NREP: variants seen among roughly 807,000 people sequenced by gnomAD.
The protein encoded by NREP is neuronal regeneration-related protein.
NREP carries 5 observed loss-of-function variants against 8.6 expected under a neutral mutation model. That is an observed-to-expected ratio of 0.58 (90% confidence interval 0.30 to 1.22). The LOEUF is 1.22. Ranked by LOEUF, NREP falls within the 50% of genes most tolerant of loss-of-function variation. NREP has a pLI of 0.07. For synonymous variants in NREP, 27 were observed against 28.0 expected, an observed-to-expected ratio of 0.96 and a Z score of 0.11; for missense variants, 86 against 82.5, an observed-to-expected ratio of 1.04 and a Z score of -0.17.
At position 111,886,160 on chromosome 5, in the gene NREP, A is replaced by T. The variant is rs1489214952; in HGVS notation, c.135+89114T>A. On this transcript the variant is annotated intron_variant, in intron 2 of 3. Coordinates refer to the NREP transcript ENST00000395634. ...AACAACCCCATCAAAAAGTGGGCAA[A>T]GGACATGAACAGACACTTCTCAAAA... is the stretch of plus-strand genomic sequence containing the variant. Among the ~76,000 whole-genome samples the T allele has an allele frequency of 5.3e-5, 8 of 152,352 alleles. No homozygotes were observed. In the South Asian group the frequency reaches 8.3e-4, roughly 16 times the overall value.
At chr5:111,745,051 G>C (rs1288608715) in intron 2 of NREP, among the ~76,000 whole-genome samples, 2 of 152,056 alleles carry the variant, frequency 1.3e-5, no homozygotes, top group Non-Finnish European at 2.9e-5. Flanking sequence ...GTTTTCTGTA[G>C]AAATGCATAG....
intron 2 of NREP, among the ~76,000 whole-genome samples, chr5:111,864,648 C>T (rs1383585623): frequency 1.3e-5 from 2 of 152,100 alleles, no homozygotes; most frequent in African/African-American, 4.8e-5. Context: ...AGAAACACTG[C>T]TCTGAAAGGA....
At chr5:111,744,156 T>A (rs1262197306) in intron 2 of NREP, among the ~76,000 whole-genome samples, 1 of 152,088 alleles carries the variant, frequency 6.6e-6, no homozygotes, top group Admixed American at 6.6e-5. Context: ...GAAGTGCTCA[T>A]TCCAAAAGAA....
At chr5:111,881,576 C>T (rs1489208619) in intron 2 of NREP, among the ~76,000 whole-genome samples, 1 of 152,122 alleles carries the variant, frequency 6.6e-6, no homozygotes, top group Non-Finnish European at 1.5e-5. Flanking sequence ...CTGGGAGGCA[C>T]CCCCCAGTAG....
chr5:111,900,636 T>C (rs1049316272), intron 2 of NREP, among the ~76,000 whole-genome samples: 2 of 152,012 alleles, frequency 1.3e-5, no homozygotes, highest in African/African-American at 2.4e-5. Context: ...TGAACAACTA[T>C]ACACTAACAA....
At chr5:111,838,544 T>A (rs1346483352) in intron 2 of NREP, among the ~76,000 whole-genome samples, 2 of 152,098 alleles carry the variant, frequency 1.3e-5, no homozygotes, top group African/African-American at 2.4e-5. Flanking sequence ...ATAGAAAGAA[T>A]TTAAGATCAA....
rs140458263 is a variant in NREP at position 111,736,526 on chromosome 5, T to C, written c.4-1019A>G. 1.4e-3 allele frequency among the ~76,000 whole-genome samples: 211 copies of C among 152,296 alleles called. 5 individuals are homozygous for C. The East Asian group carries it at 0.035, about 25-fold the overall frequency. On this transcript the variant is annotated intron_variant, in intron 2 of 3. Coordinates refer to ENST00000257435, the MANE Select transcript of NREP (RefSeq NM_004772.4). Reference sequence around the variant, plus strand: ...TTAACAAACAGACTTAGATGTGTGTTTACATTTTGGTTTTGGAAGCCGTAA... The same window carrying C: ...TTAACAAACAGACTTAGATGTGTGTCTACATTTTGGTTTTGGAAGCCGTAA...
At chr5:111,754,233 C>T (rs1348971942) in intron 2 of NREP, among the ~76,000 whole-genome samples, 1 of 152,216 alleles carries the variant, frequency 6.6e-6, no homozygotes, top group Non-Finnish European at 1.5e-5. Flanking sequence ...ATGGTTCCAA[C>T]TTCCACTCTC....
intron 2 of NREP, among the ~76,000 whole-genome samples, chr5:111,828,705 G>A (rs1430671461): frequency 6.6e-6 from 1 of 151,932 alleles, no homozygotes; most frequent in Non-Finnish European, 1.5e-5. Context: ...CTAGATACTT[G>A]GGTCCCTATC....
chr5:111,791,725 C>T (rs561680776), intron 2 of NREP, among the ~76,000 whole-genome samples: 3 of 152,274 alleles, frequency 2.0e-5, no homozygotes, highest in South Asian at 2.1e-4. Flanking sequence ...TTCCTGCCTC[C>T]GCCTCCCAAA....
intron 2 of NREP, among the ~76,000 whole-genome samples, chr5:111,805,180 C>T (rs1752113361): frequency 6.6e-6 from 1 of 152,186 alleles, no homozygotes; most frequent in African/African-American, 2.4e-5. Context: ...GTTGGTAAAA[C>T]TTCAGAAGTA....
chr5:111,938,827 G>A (rs924886805), intron 2 of NREP, among the ~76,000 whole-genome samples: 6 of 152,024 alleles, frequency 3.9e-5, no homozygotes, highest in Middle Eastern at 3.2e-3. Context: ...GATCACCCAT[G>A]AACTCTAACA....
intron 2 of NREP, among the ~76,000 whole-genome samples, chr5:111,774,918 G>C (rs1751321682): frequency 1.3e-5 from 2 of 152,156 alleles, no homozygotes; most frequent in East Asian, 3.8e-4. Context: ...ATTGGTTATG[G>C]TTAAGAAGAG....
chr5:111,964,855 C>CAAAAAAAAAAAAAAAATAAAAAAA (rs1756589211), intron 2 of NREP, among the ~76,000 whole-genome samples: 1 of 44,882 alleles, frequency 2.2e-5, no homozygotes, highest in Non-Finnish European at 4.6e-5. Context: ...CTTTCAGCAG[C>CAAAAAAAAAAAAAAAATAAAAAAA]AAAAAAAAAA....
At chr5:111,935,287 G>A (rs746333917) in intron 2 of NREP, among the ~76,000 whole-genome samples, 1 of 152,046 alleles carries the variant, frequency 6.6e-6, no homozygotes, top group Non-Finnish European at 1.5e-5. Context: ...TAGGCAGATA[G>A]GACCTTACAC....
Position 111,777,588 on chromosome 5 carries a change from G to A in NREP, c.136-42081C>T, listed in dbSNP as rs116726093. Among the ~76,000 whole-genome samples the A allele has an allele frequency of 2.4e-3, 372 of 152,162 alleles. 3 individuals carry two copies. The highest frequency in any genetic ancestry group is 8.7e-3 in the African/African-American group (360 of 41,514). ...AATACGACAATGCTTCAGTGTAGTT[G>A]CACATTAACCATTATGTGTATATTT... On this transcript the variant is annotated intron_variant, in intron 2 of 3. Transcript: ENST00000395634.
chr5:111,763,852 G>A (rs1751021972), intron 2 of NREP, among the ~76,000 whole-genome samples: 1 of 152,208 alleles, frequency 6.6e-6, no homozygotes, highest in Non-Finnish European at 1.5e-5. Context: ...GTTCCCCCTG[G>A]AAGAATTTTT....
At chr5:111,943,558 ACTGCG>A (rs1302804500) in intron 2 of NREP, among the ~76,000 whole-genome samples, 2 of 152,092 alleles carry the variant, frequency 1.3e-5, no homozygotes, top group East Asian at 3.9e-4. Context: ...GTCCCACTGC[ACTGCG>A]AAGCCAGTGC....
At chr5:111,759,320 C>T (rs562215929), upstream of NREP, among the ~76,000 whole-genome samples, 5 of 152,332 alleles carry the variant, frequency 3.3e-5, no homozygotes, top group African/African-American at 1.2e-4. Context: ...AGGAAACATA[C>T]ATATAAACAC....
Sources: gnomAD v4.1 joint callset for allele counts (sites outside exome capture counted in the v4.1 genomes callset) on GRCh38, gnomAD v4.1.1 for gene constraint, MANE v1.5 for transcripts, NCBI Gene and HGNC (gene_info 2026-07-23, HGNC 2026-07-21) for gene names.